The following BRINP3 variants were observed in gnomAD, a reference collection of about 807,000 sequenced individuals.
The protein encoded by BRINP3 is BMP/retinoic acid inducible neural specific 3, also known as BMP/retinoic acid-inducible neural-specific protein 3.
In BRINP3, 19 loss-of-function variants were observed where a neutral mutation model predicts 71.0. The ratio of observed to expected loss-of-function variants is 0.27; its 90% confidence interval spans 0.19 to 0.39. BRINP3 has a LOEUF of 0.39. BRINP3 is among the 10% of genes least tolerant of loss of function. BRINP3 has a pLI of 1.00. For missense variants in BRINP3, 959 were observed against 940.8 expected (o/e 1.02, Z -0.25); for synonymous variants, 380 against 337.7 (o/e 1.13, Z -1.37).
intron 6 of BRINP3, among the ~76,000 whole-genome samples, chr1:190,207,128 A>C (rs2102635664): frequency 6.6e-6 from 1 of 152,164 alleles, no homozygotes; most frequent in Admixed American, 6.6e-5. Context: ...TGGAAACAGA[A>C]ATTAAATAAT....
chr1:190,230,209 C>T (rs555938286), intron 5 of BRINP3, among the ~76,000 whole-genome samples: 1 of 151,396 alleles, frequency 6.6e-6, no homozygotes, highest in Admixed American at 6.6e-5. Context: ...TTAAATATAA[C>T]ACAGAATGAG....
At chr1:190,383,609 CAAAT>C (rs1008895368) in intron 2 of BRINP3, among the ~76,000 whole-genome samples, 1 of 151,928 alleles carries the variant, frequency 6.6e-6, no homozygotes, top group African/African-American at 2.4e-5. Context: ...AAATAAATTT[CAAAT>C]AAGAAACCCT....
At chr1:190,359,065 A>G (rs1208753577) in intron 2 of BRINP3, among the ~76,000 whole-genome samples, 5 of 152,162 alleles carry the variant, frequency 3.3e-5, no homozygotes, top group Non-Finnish European at 7.3e-5. Flanking sequence ...AATGTAAATG[A>G]CAAGTTAATG....
chr1:190,417,898 A>C (rs2102443026), intron 2 of BRINP3, among the ~76,000 whole-genome samples: 1 of 152,302 alleles, frequency 6.6e-6, no homozygotes, highest in Middle Eastern at 3.4e-3. Flanking sequence ...AAGATGATTG[A>C]TAGCTATTAT....
chr1:190,103,911 T>C (rs1181978883), intron 7 of BRINP3, among the ~76,000 whole-genome samples: 1 of 151,648 alleles, frequency 6.6e-6, no homozygotes, highest in Non-Finnish European at 1.5e-5. Context: ...CCAGTCACTT[T>C]TTTTTTTTTT....
chr1:190,454,453 T>C (rs1675851109), intron 2 of BRINP3, among the ~76,000 whole-genome samples: 1 of 152,222 alleles, frequency 6.6e-6, no homozygotes, highest in South Asian at 2.1e-4. Context: ...AGACAAGTGG[T>C]CACCATTATC....
intron 3 of BRINP3, among the ~76,000 whole-genome samples, chr1:190,277,495 T>C (rs896980664): frequency 5.3e-5 from 8 of 151,722 alleles, no homozygotes; most frequent in Non-Finnish European, 1.2e-4. Flanking sequence ...TAACATTTAA[T>C]ACATTTTTAA....
At chr1:190,286,030 G>A (rs1285575787) in intron 2 of BRINP3, among the ~76,000 whole-genome samples, 4 of 152,166 alleles carry the variant, frequency 2.6e-5, no homozygotes, top group Admixed American at 2.6e-4. Flanking sequence ...AGGCACAATC[G>A]TTAGTTTAAT....
intron 2 of BRINP3, among the ~76,000 whole-genome samples, chr1:190,283,619 T>A (rs1267542941): frequency 4.0e-5 from 6 of 149,004 alleles, no homozygotes; most frequent in African/African-American, 1.5e-4. Context: ...GTACATAATG[T>A]ATGTATATGT....
Position 190,325,548 on chromosome 1 carries a change from T to C in BRINP3, c.237-43798A>G, listed in dbSNP as rs140475242. On this transcript the variant is annotated intron_variant, in intron 2 of 7. Coordinates refer to ENST00000367462, the MANE Select transcript of BRINP3 (RefSeq NM_199051.3). Reference sequence around the variant, plus strand: ...GTTCATATCAATTTTTATGAAAATGTACTTGTAAGTGATAGCTGATGTGTG... The same window carrying C: ...GTTCATATCAATTTTTATGAAAATGCACTTGTAAGTGATAGCTGATGTGTG... Among the ~76,000 whole-genome samples the C allele has an allele frequency of 8.4e-4, 128 of 152,164 alleles. 1 individual carries two copies. The East Asian group carries it at 0.015, about 18-fold the overall frequency.
chr1:190,143,554 C>T (rs761425230), intron 7 of BRINP3, among the ~76,000 whole-genome samples: 1 of 152,134 alleles, frequency 6.6e-6, no homozygotes, highest in East Asian at 1.9e-4. Context: ...CTTCAACAAG[C>T]AACACCCCCA....
chr1:190,420,196 T>C (rs892293500), intron 2 of BRINP3, among the ~76,000 whole-genome samples: 2 of 151,992 alleles, frequency 1.3e-5, no homozygotes, highest in African/African-American at 4.8e-5. Flanking sequence ...ACTGAGTTGA[T>C]ATATTCTGTC....
intron 7 of BRINP3, among the ~76,000 whole-genome samples, chr1:190,147,298 T>C (rs1387077715): frequency 6.6e-6 from 1 of 152,246 alleles, no homozygotes; most frequent in African/African-American, 2.4e-5. Context: ...TAAACAAGGA[T>C]AAACAATAAG....
intron 7 of BRINP3, among the ~76,000 whole-genome samples, chr1:190,131,351 T>G (rs1654528001): frequency 6.6e-6 from 1 of 151,934 alleles, no homozygotes; most frequent in Non-Finnish European, 1.5e-5. Flanking sequence ...ATGTATAATT[T>G]TCAAGAACCC....
intron 2 of BRINP3, among the ~76,000 whole-genome samples, chr1:190,301,290 C>T (rs973603129): frequency 1.8e-4 from 26 of 142,312 alleles, no homozygotes; most frequent in Non-Finnish European, 2.7e-4. Flanking sequence ...CAATATTTTA[C>T]CAGTTCCCAT....
At chr1:190,401,059 C>T (rs368952410) in intron 2 of BRINP3, among the ~76,000 whole-genome samples, 1 of 152,030 alleles carries the variant, frequency 6.6e-6, no homozygotes, top group African/African-American at 2.4e-5. Flanking sequence ...GGACAAATAC[C>T]ATATATGCCT....
chr1:190,309,498 C>T (rs564891762), intron 2 of BRINP3, among the ~76,000 whole-genome samples: 155 of 151,810 alleles, frequency 1.0e-3, no homozygotes, highest in African/African-American at 1.3e-3. Context: ...AACATGATTT[C>T]GGCATATATT....
intron 2 of BRINP3, among the ~76,000 whole-genome samples, chr1:190,371,125 T>C (rs1422754289): frequency 3.3e-5 from 5 of 152,162 alleles, no homozygotes; most frequent in African/African-American, 1.2e-4. Context: ...AATTTGTAGG[T>C]AGACTACTCA....
chr1:190,184,645 T>G (rs2102547971), intron 6 of BRINP3, among the ~76,000 whole-genome samples: 1 of 152,274 alleles, frequency 6.6e-6, no homozygotes, highest in South Asian at 2.1e-4. Context: ...AAAAAAATAC[T>G]TTGTCTTCTC....
Sources: allele counts gnomAD v4.1 joint callset (sites outside exome capture counted in the v4.1 genomes callset), GRCh38; gene constraint gnomAD v4.1.1; transcripts MANE v1.5; gene names NCBI Gene and HGNC (gene_info 2026-07-23, HGNC 2026-07-21).